QSER1: variants seen among roughly 807,000 people sequenced by gnomAD.
QSER1 encodes glutamine and serine rich 1.
QSER1 carries 49 observed loss-of-function variants against 158.5 expected under a neutral mutation model. The ratio of observed to expected loss-of-function variants is 0.31; its 90% CI spans 0.25 to 0.39. The LOEUF (loss-of-function observed/expected upper bound fraction) is 0.39. Ranked by LOEUF, QSER1 falls within the 10% of genes least tolerant of loss-of-function variation. The pLI, the probability that QSER1 is intolerant of heterozygous loss-of-function variation, is 1.00. For synonymous variants in QSER1, 650 were observed against 715.5 expected, an observed-to-expected ratio of 0.91 and a Z score of 1.46; for missense variants, 1,754 against 2,010.3, an observed-to-expected ratio of 0.87 and a Z score of 2.44.
intron 8 of QSER1, among the ~76,000 whole-genome samples, chr11:32,960,595 G>A (rs182230595): frequency 9.9e-5 from 15 of 152,200 alleles, no homozygotes; most frequent in African/African-American, 3.1e-4. Flanking sequence ...AATCAGAATA[G>A]GTAAGGAAAT....
intron 1 of QSER1, among the ~76,000 whole-genome samples, chr11:32,918,122 T>C (rs1257444799): frequency 2.0e-5 from 3 of 152,170 alleles, no homozygotes; most frequent in African/African-American, 7.2e-5. Context: ...TGAGAGATTA[T>C]TGAGCTCTAA....
intron 1 of QSER1, among the ~76,000 whole-genome samples, chr11:32,925,668 G>A (rs901701932): frequency 6.6e-5 from 10 of 151,816 alleles, no homozygotes; most frequent in African/African-American, 2.2e-4. Flanking sequence ...GCTGAAATTC[G>A]AGACCTATGC....
At chr11:32,915,388 G>A (rs1299632540) in intron 1 of QSER1, among the ~76,000 whole-genome samples, 3 of 152,122 alleles carry the variant, frequency 2.0e-5, no homozygotes, top group Non-Finnish European at 4.4e-5. Context: ...TGAAGATTGA[G>A]ACTTGGTTCA....
chr11:32,945,613 G>A, intron 4 of QSER1, among the ~76,000 whole-genome samples: 1 of 152,028 alleles, frequency 6.6e-6, no homozygotes, highest in Admixed American at 6.6e-5. Context: ...TCCGCTGTTA[G>A]TCTGATGGGC....
chr11:32,928,067 C>G lies in QSER1; in HGVS notation c.428C>G (p.Ala143Gly). 6.2e-7 allele frequency: 1 copy of G among 1,613,864 alleles called. No homozygotes were observed. Among genetic ancestry groups the G allele is most frequent in the Non-Finnish European group, 8.5e-7 (1 of 1,179,816 alleles). Reference sequence around the variant, plus strand: ...ACTGCTGAATCCCGAACTGCTCAGGCTGCTGCTTCAGGAACTACTCTCTTA... The same window carrying G: ...ACTGCTGAATCCCGAACTGCTCAGGGTGCTGCTTCAGGAACTACTCTCTTA... ...LSTAESRTAQ[A>G]AASGTTLLPQ... The change falls in exon 3 of 13, where the codon GCT becomes GGT. Residue 143 changes from alanine to glycine, a missense_variant. Physicochemically the swap from Ala to Gly is moderately conservative, Grantham distance 60. Around this residue, in one of 2 missense-constraint regions of QSER1, gnomAD observed 1,707 missense variants for 1,919.6 expected, o/e 0.89. Coordinates refer to ENST00000650167, the MANE Select transcript of QSER1 (RefSeq NM_001076786.3).
chr11:32,902,067 G>A (rs1851632747), intron 1 of QSER1, among the ~76,000 whole-genome samples: 1 of 152,194 alleles, frequency 6.6e-6, no homozygotes, highest in Admixed American at 6.5e-5. Context: ...TGGGCATAGG[G>A]AGTGAGACCT....
chr11:32,969,177 A>T (rs2133606582), intron 10 of QSER1, 34 bp downstream of exon 10: 2 of 1,189,908 alleles, frequency 1.7e-6, no homozygotes, highest in Non-Finnish European at 1.2e-6. Flanking sequence ...AGCAAAACTC[A>T]ATGGCAGTCA....
At position 32,934,997 on chromosome 11, in the gene QSER1, T is replaced by G; in HGVS notation, c.3739T>G (p.Ser1247Ala). Residue 1247 changes from serine to alanine, a missense_variant, in exon 4 of 13, where the codon TCA becomes GCA. Physicochemically the swap from Ser to Ala is moderately conservative, Grantham distance 99. This residue lies in a region of QSER1 where 1,707 missense variants were observed against 1,919.6 expected (regional missense o/e 0.89). Transcript: ENST00000650167. ...TTACTTACCGTATACTCCTCCTTCC[T>G]CAGAAAGCTGCCATGATGGTTATCA... is the stretch of plus-strand genomic sequence containing the variant. ...DIYLPYTPPS[S>A]ESCHDGYQHQ... The G allele has an allele frequency of 6.2e-7, 1 of 1,614,056 alleles. No individual in the cohort carries two copies. The highest frequency in any genetic ancestry group is 1.1e-5 in the South Asian group (1 of 91,082).
intron 9 of QSER1, 82 bp from the exon 10 acceptor site, chr11:32,968,964 A>ATAATATATAT (rs1852799878): frequency 2.8e-6 from 2 of 724,650 alleles, no homozygotes; most frequent in Admixed American, 5.8e-5. Context: ...ATTTTAATAT[A>ATAATATATAT]TAAATGTTTT....
chr11:32,933,889 A>G lies in QSER1; in HGVS notation c.2631A>G (p.Val877=), dbSNP rs764663699. Residue 877 remains valine, a synonymous_variant, in exon 4 of 13, where the codon GTA becomes GTG. Transcript: ENST00000650167. ...TACTGCAGGCAGGTTTAGGTCAAGT[A>G]AAGGCATCTTTACAAGCACAGCGTG... is the stretch of plus-strand genomic sequence containing the variant. The part of the protein sequence containing the change: ...QSILQAGLGQ[V]KASLQAQRVQ... 4 of 1,613,690 alleles carry G rather than the reference A, an allele frequency of 2.5e-6. No individual in the cohort carries two copies. Among genetic ancestry groups the G allele is most frequent in the South Asian group, 2.2e-5 (2 of 90,944 alleles).
intron 1 of QSER1, among the ~76,000 whole-genome samples, chr11:32,911,019 T>TTATTAC (rs1455335783): frequency 6.6e-6 from 1 of 152,224 alleles, no homozygotes. Context: ...GCTTGATTTA[T>TTATTAC]TATTACTGTC....
chr11:32,945,273 G>A (rs1852310302), intron 4 of QSER1, among the ~76,000 whole-genome samples: 1 of 150,930 alleles, frequency 6.6e-6, no homozygotes, highest in Non-Finnish European at 1.5e-5. Context: ...ATTTGATCCT[G>A]TCATTATGAT....
Position 32,973,801 on chromosome 11 carries a change from C to G in QSER1, c.5358+252C>G, listed in dbSNP as rs985828491. Among the ~76,000 whole-genome samples the G allele has an allele frequency of 3.9e-5, 6 of 152,092 alleles. No homozygotes were observed. In the East Asian group the frequency reaches 1.2e-3, roughly 29 times the overall value. ...TTGACTAATATGGAAGAAATCATCT[C>G]GTGCTCATGTTTATATATTTGTAGG... is the stretch of plus-strand genomic sequence containing the variant. On this transcript the variant is annotated intron_variant, in intron 11 of 12. Transcript: ENST00000650167.
rs1178661322 is a variant in QSER1 at position 32,927,965 on chromosome 11, TTTC to T, written c.328_330del (p.Ser110del). 5 of 845,736 alleles carry T rather than the reference TTTC, an allele frequency of 5.9e-6. No homozygotes were observed. The African/African-American group carries it at 8.6e-5, about 15-fold the overall frequency. 52.4% of individuals were successfully genotyped at this position (845,736 alleles called of 1,614,324 possible). A position where few individuals can be genotyped will look rare whatever the true frequency, so the allele number is the denominator to read the frequency against. On this transcript the variant is annotated inframe_deletion, in exon 3 of 13. Transcript: ENST00000650167. The stretch of plus-strand genomic sequence containing the variant: ...TATATTTTATCTTCAAATTTAGGTC[TTTC>T]TGGAATATTTGATACTAGTGTGAAC...
At chr11:32,955,928 C>CA in intron 6 of QSER1, 60 bp from the exon 7 acceptor site, 4 of 1,485,144 alleles carry the variant, frequency 2.7e-6, no homozygotes, top group Non-Finnish European at 3.7e-6. Flanking sequence ...ATTGAACAAA[C>CA]AAAGTAGCAT....
At chr11:32,973,971 A>G (rs193238128) in intron 11 of QSER1, among the ~76,000 whole-genome samples, 20 of 152,330 alleles carry the variant, frequency 1.3e-4, no homozygotes, top group African/African-American at 3.8e-4. Flanking sequence ...ATGCACATAG[A>G]TAAGTAAGTG....
In QSER1 at chr11:32,932,427, C is replaced by A. The variant is rs1181131428; in HGVS notation, c.1169C>A (p.Ala390Asp). Residue 390 changes from alanine (A) to aspartate (D), a missense_variant, in exon 4 of 13, where the codon GCT becomes GAT. By Grantham distance (126) the Ala-to-Asp change is moderately radical. Coordinates refer to ENST00000650167, the MANE Select transcript of QSER1 (RefSeq NM_001076786.3). Reference protein sequence around the residue: ...QKTSQVSVELAQSYSSAIPSS... With the variant: ...QKTSQVSVELDQSYSSAIPSS... ...ACCTCCCAGGTCTCAGTGGAACTTG[C>A]TCAGTCTTACTCATCTGCGATTCCA... 1 of 1,612,880 alleles carries A rather than the reference C, an allele frequency of 6.2e-7. No individual in the cohort carries two copies. The highest frequency in any genetic ancestry group is 8.5e-7 in the Non-Finnish European group (1 of 1,179,950).
rs543337726 is a variant in QSER1 at position 32,963,500 on chromosome 11, C to T, written c.4970-2800C>T. Among the ~76,000 whole-genome samples, 7 of 152,096 alleles carry T rather than the reference C, an allele frequency of 4.6e-5. No individual in the cohort carries two copies. In the South Asian group the frequency reaches 6.2e-4, roughly 14 times the overall value. ...CCGAGTAGCTGGGATTACAGGCGCC[C>T]GCCATCATGCCTGGCTACTTTTTTG... On this transcript the variant is annotated intron_variant, in intron 8 of 12. Transcript: ENST00000650167.
intron 10 of QSER1, among the ~76,000 whole-genome samples, chr11:32,970,552 GCAC>G (rs1468966823): frequency 6.6e-6 from 1 of 152,032 alleles, no homozygotes; most frequent in Non-Finnish European, 1.5e-5. Flanking sequence ...CCACAAGCAT[GCAC>G]CACCACATCT....
Sources: allele counts gnomAD v4.1 joint callset (sites outside exome capture counted in the v4.1 genomes callset), GRCh38; gene constraint gnomAD v4.1.1; regional missense constraint gnomAD v4.1.1; transcripts MANE v1.5; gene names NCBI Gene and HGNC (gene_info 2026-07-23, HGNC 2026-07-21).